Variants in GPC5 observed in about 807,000 individuals in gnomAD.
GPC5 encodes the protein glypican-5.
Under a neutral mutation model 53.9 loss-of-function variants are expected in GPC5, and 47 were observed. The observed-to-expected ratio is 0.87, with a 90% CI of 0.69 to 1.11. The LOEUF (loss-of-function observed/expected upper bound fraction) is 1.11. Ranked by LOEUF, GPC5 falls within the 50% of genes most tolerant of loss-of-function variation. The probability of loss-of-function intolerance (pLI) is 0.00; values close to 1 mark genes in which losing one functional copy is unlikely to be tolerated. For synonymous variants in GPC5, 286 were observed against 263.3 expected (o/e 1.09, Z -0.84); for missense variants, 748 against 713.1 (o/e 1.05, Z -0.56).
Position 92,144,979 on chromosome 13 carries a change from G to A in GPC5, c.1551G>A (p.Lys517=). The A allele has an allele frequency of 1.3e-6, 2 of 1,505,612 alleles. No homozygotes were observed. The highest frequency in any genetic ancestry group is 1.8e-6 in the Non-Finnish European group (2 of 1,131,092). 93.3% of individuals were successfully genotyped at this position (1,505,612 alleles called of 1,614,324 possible). ...GTGGAGAAGTCAAGAGGACACTGAA[G>A]ATCACAGACTGTAAGTGTATGATTC... The part of the protein sequence containing the change: ...SGSGEVKRTL[K]ITDWMPDDMN... The change falls in exon 7 of 8, where the codon AAG becomes AAA. Residue 517 remains lysine, a synonymous_variant. Coordinates refer to ENST00000377067, the MANE Select transcript of GPC5 (RefSeq NM_004466.6).
intron 5 of GPC5, among the ~76,000 whole-genome samples, chr13:91,847,316 TG>T (rs2038862442): frequency 6.6e-6 from 1 of 151,952 alleles, no homozygotes; most frequent in Admixed American, 6.6e-5. Flanking sequence ...CCTTTAAGGA[TG>T]GCTGTTAAAT....
chr13:92,364,274 G>A (rs909694667), intron 7 of GPC5, among the ~76,000 whole-genome samples: 1 of 151,774 alleles, frequency 6.6e-6, no homozygotes, highest in African/African-American at 2.4e-5. Flanking sequence ...CTGAAGAAAC[G>A]CTAGAAATAC....
At chr13:91,581,299 A>G (rs2032351101) in intron 2 of GPC5, among the ~76,000 whole-genome samples, 1 of 152,238 alleles carries the variant, frequency 6.6e-6, no homozygotes, top group Non-Finnish European at 1.5e-5. Flanking sequence ...TAAAAAGTAG[A>G]TAGGAAAGTA....
intron 1 of GPC5, 38 bp downstream of exon 1, chr13:91,399,247 C>G (rs763791391): frequency 1.3e-6 from 2 of 1,593,498 alleles, no homozygotes; most frequent in African/African-American, 2.7e-5. Context: ...CTGGCGGCGT[C>G]CGAGCCCGGC....
chr13:92,573,434 A>C (rs1248756174), intron 7 of GPC5, among the ~76,000 whole-genome samples: 1 of 152,204 alleles, frequency 6.6e-6, no homozygotes, highest in Non-Finnish European at 1.5e-5. Context: ...CAGAGACAAG[A>C]AGCAGATGAT....
chr13:92,657,209 T>G (rs2139177118), intron 7 of GPC5, among the ~76,000 whole-genome samples: 1 of 152,326 alleles, frequency 6.6e-6, no homozygotes, highest in Non-Finnish European at 1.5e-5. Context: ...CTCAATTTAT[T>G]ATTTTAAGAT....
chr13:92,020,252 T>A (rs1047372440), intron 6 of GPC5, among the ~76,000 whole-genome samples: 1 of 152,140 alleles, frequency 6.6e-6, no homozygotes, highest in African/African-American at 2.4e-5. Context: ...CTCAGCTGAT[T>A]ACCAAGCTTA....
chr13:92,769,309 C>A (rs183453777), intron 7 of GPC5, among the ~76,000 whole-genome samples: 1 of 152,094 alleles, frequency 6.6e-6, no homozygotes, highest in Non-Finnish European at 1.5e-5. Context: ...TTTCTTCATT[C>A]AAAATATTCC....
intron 1 of GPC5, among the ~76,000 whole-genome samples, chr13:91,412,986 A>G (rs1431404903): frequency 1.3e-5 from 2 of 152,244 alleles, no homozygotes; most frequent in Admixed American, 1.3e-4. Flanking sequence ...AGCTGTATAA[A>G]TAACCAAAGT....
At chr13:91,933,496 G>T (rs1368549235) in intron 6 of GPC5, among the ~76,000 whole-genome samples, 2 of 151,842 alleles carry the variant, frequency 1.3e-5, no homozygotes, top group Non-Finnish European at 2.9e-5. Context: ...ACCCTGCAAA[G>T]GTCTGGGTAT....
At chr13:92,131,840 TATATTA>T (rs1804588822) in intron 6 of GPC5, among the ~76,000 whole-genome samples, 1 of 152,048 alleles carries the variant, frequency 6.6e-6, no homozygotes, top group African/African-American at 2.4e-5. Context: ...GTGTAAATTA[TATATTA>T]ATATTTAAAA....
intron 6 of GPC5, among the ~76,000 whole-genome samples, chr13:92,063,757 G>A (rs1036493843): frequency 6.6e-6 from 1 of 152,068 alleles, no homozygotes; most frequent in African/African-American, 2.4e-5. Context: ...TGACATGAAG[G>A]AGTTTCGGGT....
At chr13:92,296,658 TATGGAGGGAGA>T (rs2043036819) in intron 7 of GPC5, among the ~76,000 whole-genome samples, 11 of 151,634 alleles carry the variant, frequency 7.3e-5, no homozygotes, top group Admixed American at 2.0e-4. Context: ...TGCAGGGAGG[TATGGAGGGAGA>T]GGCGCGAGCG....
intron 2 of GPC5, among the ~76,000 whole-genome samples, chr13:91,504,878 A>G (rs1254140779): frequency 1.3e-5 from 2 of 152,094 alleles, no homozygotes; most frequent in Non-Finnish European, 2.9e-5. Context: ...CGCTTGAGGT[A>G]AGGAGTTGAG....
intron 6 of GPC5, among the ~76,000 whole-genome samples, chr13:92,115,001 A>G (rs2041589013): frequency 6.6e-6 from 1 of 152,204 alleles, no homozygotes; most frequent in African/African-American, 2.4e-5. Flanking sequence ...ATTCATTTCT[A>G]TTACTTGCTA....
chr13:92,267,991 A>C (rs1429795531), intron 7 of GPC5, among the ~76,000 whole-genome samples: 2 of 152,080 alleles, frequency 1.3e-5, no homozygotes, highest in Non-Finnish European at 2.9e-5. Context: ...TGGTTCCTTG[A>C]ATGTTTTACA....
intron 7 of GPC5, among the ~76,000 whole-genome samples, chr13:92,668,589 A>T (rs1186508002): frequency 2.6e-5 from 4 of 152,004 alleles, no homozygotes; most frequent in Non-Finnish European, 2.9e-5. Flanking sequence ...TTAAGTCATG[A>T]TTTTTATTTT....
intron 7 of GPC5, among the ~76,000 whole-genome samples, chr13:92,818,963 CTGT>C (rs1333760321): frequency 6.6e-6 from 1 of 151,928 alleles, no homozygotes; most frequent in Non-Finnish European, 1.5e-5. Flanking sequence ...ACTGTCTTCC[CTGT>C]TGTTGGTAAC....
chr13:91,866,666 C>G (rs941718790), intron 5 of GPC5, among the ~76,000 whole-genome samples: 1 of 152,130 alleles, frequency 6.6e-6, no homozygotes, highest in Non-Finnish European at 1.5e-5. Flanking sequence ...CCAAATACTC[C>G]TCTTTTCTTT....
Sources: gnomAD v4.1 joint callset for allele counts (sites outside exome capture counted in the v4.1 genomes callset) on GRCh38, gnomAD v4.1.1 for gene constraint, MANE v1.5 for transcripts, NCBI Gene and HGNC (gene_info 2026-07-23, HGNC 2026-07-21) for gene names.